The following LAMC2 variants were observed in gnomAD, a reference collection of about 807,000 sequenced individuals.
LAMC2 encodes laminin subunit gamma 2.
In LAMC2, 97 loss-of-function variants were observed where a neutral mutation model predicts 140.2. The observed-to-expected ratio is 0.69, with a 90% confidence interval of 0.59 to 0.82. LAMC2 has a LOEUF of 0.82. Among genes scored for constraint, LAMC2 ranks in the 40% least tolerant of loss-of-function variants. LAMC2 has a pLI of 0.00. For missense variants in LAMC2, 1,402 were observed against 1,476.1 expected (o/e 0.95, Z 0.82); for synonymous variants, 513 against 540.2 (o/e 0.95, Z 0.70).
At chr1:183,239,749 C>T in intron 20 of LAMC2, 186 bp downstream of exon 20, 1 of 651,516 alleles carries the variant, frequency 1.5e-6, no homozygotes, top group East Asian at 2.7e-5. Flanking sequence ...GTTTTTTTGT[C>T]CTCCGGGTTT....
At chr1:183,196,998 G>A (rs1421737312) in intron 1 of LAMC2, among the ~76,000 whole-genome samples, 1 of 152,194 alleles carries the variant, frequency 6.6e-6, no homozygotes, top group Non-Finnish European at 1.5e-5. Context: ...CAATATTGAG[G>A]AATTCTGGTG....
chr1:183,243,107 A>T (rs1418480890), intron 22 of LAMC2, 40 bp from the exon 23 acceptor site: 3 of 1,612,926 alleles, frequency 1.9e-6, no homozygotes, highest in African/African-American at 2.7e-5. Context: ...ATCTAACTAC[A>T]GCTTTTCTAT....
At chr1:183,209,892 G>T (rs940479610) in intron 2 of LAMC2, among the ~76,000 whole-genome samples, 1 of 152,098 alleles carries the variant, frequency 6.6e-6, no homozygotes, top group Non-Finnish European at 1.5e-5. Context: ...AGTGAAACTG[G>T]CTCCTTCTTT....
At chr1:183,193,222 T>G (rs1235868677) in intron 1 of LAMC2, among the ~76,000 whole-genome samples, 1 of 152,210 alleles carries the variant, frequency 6.6e-6, no homozygotes, top group Non-Finnish European at 1.5e-5. Context: ...AGAGAACAGA[T>G]TTCAAATTAC....
intron 1 of LAMC2, among the ~76,000 whole-genome samples, chr1:183,199,292 TG>T (rs2102179622): frequency 6.6e-6 from 1 of 151,840 alleles, no homozygotes; most frequent in South Asian, 2.1e-4. Flanking sequence ...TTAGTAGAGA[TG>T]GGGTTTCACT....
At position 183,186,419 on chromosome 1, in the gene LAMC2, T is replaced by C; in HGVS notation, c.67T>C (p.Ser23Pro). 1.2e-6 allele frequency: 2 copies of C among 1,604,634 alleles called. No individual in the cohort carries two copies. Among genetic ancestry groups the C allele is most frequent in the Middle Eastern group, 3.3e-4 (2 of 6,054 alleles). The change falls in exon 1 of 23, where the codon TCC (serine) becomes CCC (proline). Residue 23 changes from serine (S) to proline (P), a missense_variant. Ser to Pro is a moderately conservative substitution (Grantham distance 74). Coordinates refer to ENST00000264144, the MANE Select transcript of LAMC2 (RefSeq NM_005562.3). ...SLLLPAARATSRREVCDCNGK... is the reference protein window; with the variant it reads ...SLLLPAARATPRREVCDCNGK... ...CCTCCTGCCCGCAGCCCGGGCCACC[T>C]CCAGGAGGGAAGGTGAGTCGGCTTC...
chr1:183,223,751 A>G (rs148149177), intron 7 of LAMC2, among the ~76,000 whole-genome samples: 1 of 152,348 alleles, frequency 6.6e-6, no homozygotes, highest in Non-Finnish European at 1.5e-5. Context: ...GTGCATTTAG[A>G]AAATTCCAGG....
At chr1:183,210,163 G>A (rs1204995674) in intron 2 of LAMC2, among the ~76,000 whole-genome samples, 2 of 152,142 alleles carry the variant, frequency 1.3e-5, no homozygotes, top group Non-Finnish European at 2.9e-5. Context: ...CAAGGTCATA[G>A]AGCTAAGGGG....
the LAMC2 span, chr1:183,251,232 T>C: frequency 6.6e-6 from 1 of 152,208 alleles, no homozygotes; most frequent in Non-Finnish European, 1.5e-5. Context: ...TCTCAGACAG[T>C]TCCTGCAGCT....
At chr1:183,215,398 A>G (rs918161318) in intron 2 of LAMC2, 55 bp from the exon 3 acceptor site, 22 of 1,605,292 alleles carry the variant, frequency 1.4e-5, no homozygotes, top group Middle Eastern at 1.9e-4. Context: ...CCAATGCCGC[A>G]TACATTAAAA....
At chr1:183,234,273 G>A (rs1169925919) in intron 14 of LAMC2, 94 bp from the exon 15 acceptor site, 4 of 860,510 alleles carry the variant, frequency 4.6e-6, no homozygotes, top group Non-Finnish European at 7.9e-6. Flanking sequence ...CTAATGACAA[G>A]TGGTTCTGAC....
In LAMC2 at chr1:183,228,513, C is replaced by G. The variant is rs762672092; in HGVS notation, c.1608C>G (p.Gly536=). 6.2e-7 allele frequency: 1 copy of G among 1,613,898 alleles called. No individual in the cohort carries two copies. Among genetic ancestry groups the G allele is most frequent in the Non-Finnish European group, 8.5e-7 (1 of 1,179,992 alleles). ...CTGGGAATTGTGACCGGCTGACAGGCAGGTGTTTGAAGTGTATCCACAACA... is the reference window on the plus strand; with the variant it reads ...CTGGGAATTGTGACCGGCTGACAGGGAGGTGTTTGAAGTGTATCCACAACA... The part of the protein sequence containing the change: ...SASGNCDRLT[G]RCLKCIHNTA... Residue 536 remains glycine (G), a synonymous_variant, in exon 11 of 23, where the codon GGC becomes GGG. Coordinates refer to ENST00000264144, the MANE Select transcript of LAMC2 (RefSeq NM_005562.3). This position sits in a 1 kb window ranked among gnomAD's most constrained non-coding sequence, Gnocchi z 4.3.
At chr1:183,252,749 CAAG>C in the LAMC2 span, 1 of 1,608,484 alleles carries the variant, frequency 6.2e-7, no homozygotes, top group South Asian at 1.1e-5. Context: ...CCAGCCTGCA[CAAG>C]AAGAGATGAC....
chr1:183,188,010 A>G (rs1354593380), intron 1 of LAMC2, among the ~76,000 whole-genome samples: 1 of 152,248 alleles, frequency 6.6e-6, no homozygotes, highest in Admixed American at 6.5e-5. Flanking sequence ...GCATTAGGGA[A>G]CAAAAATAAA....
At chr1:183,233,890 CT>C (rs759259998) in intron 14 of LAMC2, among the ~76,000 whole-genome samples, 45 of 131,686 alleles carry the variant, frequency 3.4e-4, no homozygotes, top group Admixed American at 9.0e-4. Flanking sequence ...CTTTTTTTTT[CT>C]TTTTTTTTTT....
downstream of LAMC2, among the ~76,000 whole-genome samples, chr1:183,247,578 C>T (rs1188856858): frequency 1.3e-5 from 2 of 148,760 alleles, no homozygotes; most frequent in African/African-American, 5.0e-5. Context: ...ACCCCAAGAA[C>T]CAAATGATTC....
rs988966201 is a variant in LAMC2, at chr1:183,186,358, T to G, written c.6T>G (p.Pro2=). 1.9e-6 allele frequency: 3 copies of G among 1,601,236 alleles called. No individual in the cohort carries two copies. In the African/African-American group the frequency reaches 4.0e-5, roughly 21 times the overall value. ...CTGAGCGGCCCGGCCCCGCCATGCC[T>G]GCGCTCTGGCTGGGCTGCTGCCTCT... is the stretch of plus-strand genomic sequence containing the variant. The part of the protein sequence containing the change: M[P]ALWLGCCLCF... The change falls in exon 1 of 23, where the codon CCT becomes CCG. Residue 2 remains proline, a synonymous_variant. Transcript: ENST00000264144.
chr1:183,236,645 CATAA>C lies in LAMC2; in HGVS notation c.2601+45_2601+48del, dbSNP rs759788676. The C allele has an allele frequency of 2.5e-6, 4 of 1,609,116 alleles. No homozygotes were observed. In the South Asian group the frequency reaches 4.4e-5, roughly 18 times the overall value. On this transcript the variant is annotated intron_variant, in intron 17 of 22. Coordinates refer to ENST00000264144, the MANE Select transcript of LAMC2 (RefSeq NM_005562.3). The stretch of plus-strand genomic sequence containing the variant: ...CTGTGTGCTTGATATACAGGAGGGC[CATAA>C]ATACTTTCTTTTCTGGGGGTGCCAT...
downstream of LAMC2, chr1:183,249,218 A>C (rs2102265063): frequency 6.6e-6 from 1 of 152,294 alleles, no homozygotes; most frequent in Admixed American, 6.5e-5. Flanking sequence ...TTCAAGGAAA[A>C]TGAAAGCAAG....
Sources: allele counts gnomAD v4.1 joint callset (sites outside exome capture counted in the v4.1 genomes callset), GRCh38; gene constraint gnomAD v4.1.1; non-coding constraint Gnocchi (gnomAD v3.1); transcripts MANE v1.5; gene names NCBI Gene and HGNC (gene_info 2026-07-23, HGNC 2026-07-21).